The following PCDH9 variants were observed in gnomAD, a reference collection of about 807,000 sequenced individuals.
The protein encoded by PCDH9 is protocadherin-9.
Under a neutral mutation model 70.6 loss-of-function variants are expected in PCDH9, and 24 were observed. The ratio of observed to expected loss-of-function variants is 0.34; its 90% confidence interval spans 0.25 to 0.48. The LOEUF (loss-of-function observed/expected upper bound fraction) is 0.48. Among genes scored for constraint, PCDH9 ranks in the 20% least tolerant of loss-of-function variants. The pLI is 0.99. For missense variants in PCDH9, 1,281 were observed against 1,503.6 expected, an observed-to-expected ratio of 0.85 and a Z score of 2.45; for synonymous variants, 562 against 558.5, an observed-to-expected ratio of 1.01 and a Z score of -0.09.
At chr13:66,776,008 T>A (rs368869591) in intron 3 of PCDH9, among the ~76,000 whole-genome samples, 1 of 152,194 alleles carries the variant, frequency 6.6e-6, no homozygotes, top group South Asian at 2.1e-4. Flanking sequence ...TCTGCTTTTG[T>A]CTCAGGTCAT....
At chr13:66,622,979 C>G (rs1229942036) in intron 4 of PCDH9, among the ~76,000 whole-genome samples, 1 of 152,066 alleles carries the variant, frequency 6.6e-6, no homozygotes, top group African/African-American at 2.4e-5. Flanking sequence ...CAGACGGGCC[C>G]CCTTAAGAGC....
intron 3 of PCDH9, among the ~76,000 whole-genome samples, chr13:66,717,455 A>G (rs1309501218): frequency 1.9e-5 from 1 of 51,382 alleles, no homozygotes; most frequent in Non-Finnish European, 3.4e-5. Context: ...CTGTCTCAAA[A>G]AAAAAAAAAA....
At chr13:67,003,272 C>G (rs2084281673) in intron 2 of PCDH9, among the ~76,000 whole-genome samples, 1 of 152,056 alleles carries the variant, frequency 6.6e-6, no homozygotes, top group South Asian at 2.1e-4. Flanking sequence ...TTACAAATAA[C>G]TTCCTTGCAA....
At chr13:66,672,700 A>G (rs980839043) in intron 3 of PCDH9, among the ~76,000 whole-genome samples, 1 of 152,226 alleles carries the variant, frequency 6.6e-6, no homozygotes, top group Non-Finnish European at 1.5e-5. Flanking sequence ...GCTGCCCAAG[A>G]CCATGGGAAC....
chr13:66,577,636 C>T (rs2076833601), intron 4 of PCDH9, among the ~76,000 whole-genome samples: 1 of 151,868 alleles, frequency 6.6e-6, no homozygotes, highest in Non-Finnish European at 1.5e-5. Flanking sequence ...CACTCCCCGC[C>T]CCCCTAACAC....
chr13:66,945,005 C>T (rs1218252549), intron 2 of PCDH9, among the ~76,000 whole-genome samples: 2 of 151,916 alleles, frequency 1.3e-5, no homozygotes, highest in East Asian at 1.9e-4. Context: ...ATACAGCACC[C>T]CAACATTAAC....
intron 4 of PCDH9, among the ~76,000 whole-genome samples, chr13:66,472,914 T>G (rs990441553): frequency 3.3e-5 from 5 of 152,086 alleles, no homozygotes; most frequent in African/African-American, 9.7e-5. Flanking sequence ...AGGATGAAAG[T>G]TCATTTTTTA....
At chr13:66,380,622 C>T (rs9540733) in intron 4 of PCDH9, among the ~76,000 whole-genome samples, 58,225 of 144,642 alleles carry the variant, frequency 0.4, 13,008 homozygotes, top group Admixed American at 0.57. Context: ...CGGCTCACTG[C>T]AAGCTCCGCC....
intron 2 of PCDH9, among the ~76,000 whole-genome samples, chr13:67,123,334 A>G (rs1350966267): frequency 6.6e-6 from 1 of 152,196 alleles, no homozygotes; most frequent in Non-Finnish European, 1.5e-5. Flanking sequence ...CCTTTCCTGC[A>G]CTAGCCTATC....
intron 2 of PCDH9, among the ~76,000 whole-genome samples, chr13:66,949,748 A>G (rs1404902976): frequency 2.0e-5 from 3 of 152,134 alleles, no homozygotes; most frequent in Non-Finnish European, 2.9e-5. Flanking sequence ...TGGAAAAATG[A>G]GTAAAGAAAC....
intron 4 of PCDH9, among the ~76,000 whole-genome samples, chr13:66,362,965 G>A (rs1030307681): frequency 7.2e-5 from 11 of 152,112 alleles, no homozygotes; most frequent in African/African-American, 2.2e-4. Context: ...AGGATCACTT[G>A]AGGTCAGGTG....
At chr13:67,165,625 C>A (rs947369431) in intron 2 of PCDH9, among the ~76,000 whole-genome samples, 2 of 151,798 alleles carry the variant, frequency 1.3e-5, no homozygotes, top group Non-Finnish European at 2.9e-5. Context: ...CTATCTACCC[C>A]CTCCAGGAAA....
intron 2 of PCDH9, among the ~76,000 whole-genome samples, chr13:66,936,654 TA>T: frequency 6.6e-6 from 1 of 152,284 alleles, no homozygotes; most frequent in Middle Eastern, 3.4e-3. Flanking sequence ...AACTGGCTAC[TA>T]AACAAGTCAT....
At chr13:66,975,780 G>A (rs111414875) in intron 2 of PCDH9, among the ~76,000 whole-genome samples, 2,050 of 151,988 alleles carry the variant, frequency 0.013, 29 homozygotes, top group Middle Eastern at 0.024. Context: ...GAAGATCTCC[G>A]TATAGTAGAG....
rs891757431 is a variant in PCDH9, at chr13:67,060,940, A to T, written c.3037-157335T>A. Among the ~76,000 whole-genome samples, 10 of 152,240 alleles carry T rather than the reference A, an allele frequency of 6.6e-5. No homozygotes were observed. The East Asian group carries it at 1.9e-3, about 29-fold the overall frequency. Reference sequence around the variant, plus strand: ...TTTGTGAAGGAAGTAAGAGTACTTTATTTGACAAATAAATTCTGGTTTGTC... The same window carrying T: ...TTTGTGAAGGAAGTAAGAGTACTTTTTTTGACAAATAAATTCTGGTTTGTC... On this transcript the variant is annotated intron_variant, in intron 2 of 4. Transcript: ENST00000377865.
intron 4 of PCDH9, among the ~76,000 whole-genome samples, chr13:66,348,771 C>T (rs1956250751): frequency 6.7e-6 from 1 of 149,318 alleles, no homozygotes; most frequent in Non-Finnish European, 1.5e-5. Context: ...AAAATCTTTG[C>T]AATCAGTACC....
At chr13:66,383,028 A>AAAAG (rs199661945) in intron 4 of PCDH9, among the ~76,000 whole-genome samples, 1 of 712 alleles carries the variant, frequency 1.4e-3, no homozygotes, top group Non-Finnish European at 5.1e-3. Flanking sequence ...ACTTTGTCTC[A>AAAAG]AAACAAACAA....
intron 2 of PCDH9, among the ~76,000 whole-genome samples, chr13:67,070,085 T>C (rs1169183790): frequency 1.6e-5 from 2 of 126,580 alleles, no homozygotes; most frequent in Non-Finnish European, 3.7e-5. Context: ...AAATATATTT[T>C]AAATAAAATA....
At chr13:66,842,023 G>A (rs1293971084) in intron 3 of PCDH9, among the ~76,000 whole-genome samples, 1 of 152,122 alleles carries the variant, frequency 6.6e-6, no homozygotes, top group Non-Finnish European at 1.5e-5. Context: ...ATAACTCCAG[G>A]ATTCTTAGCT....
Sources: gnomAD v4.1 joint callset for allele counts (sites outside exome capture counted in the v4.1 genomes callset) on GRCh38, gnomAD v4.1.1 for gene constraint, MANE v1.5 for transcripts, NCBI Gene and HGNC (gene_info 2026-07-23, HGNC 2026-07-21) for gene names.